Variants in AADAT observed in about 807,000 individuals in gnomAD.
The protein encoded by AADAT is aminoadipate aminotransferase.
A neutral mutation model predicts 56.2 loss-of-function variants in AADAT; 25 were observed. The ratio of observed to expected loss-of-function variants is 0.44; its 90% CI spans 0.32 to 0.62. The LOEUF is 0.62. Ranked by LOEUF, AADAT falls within the 20% of genes least tolerant of loss-of-function variation. The pLI, the probability that AADAT is intolerant of heterozygous loss-of-function variation, is 0.04. For missense variants in AADAT, 387 were observed against 510.5 expected (o/e 0.76, Z 2.33); for synonymous variants, 173 against 164.7 (o/e 1.05, Z -0.39).
intron 7 of AADAT, 123 bp from the exon 8 acceptor site, chr4:170,068,810 A>C (rs919194854): frequency 8.0e-6 from 5 of 628,308 alleles, no homozygotes; most frequent in East Asian, 2.9e-5. Flanking sequence ...TAATTAAAAC[A>C]TTCTAATAAA....
intron 10 of AADAT, among the ~76,000 whole-genome samples, chr4:170,065,841 A>G (rs1344633388): frequency 2.0e-5 from 3 of 152,200 alleles, no homozygotes; most frequent in Admixed American, 2.0e-4. Context: ...AAAATAAGAT[A>G]GGACAGAAAT....
Position 170,088,454 on chromosome 4 carries a change from T to A in AADAT, c.178A>T (p.Thr60Ser). ...TAVITVENGKTIQFGEEMMKR... is the reference protein window; with the variant it reads ...TAVITVENGKSIQFGEEMMKR... ...ATCATCTCTTCTCCAAATTGGATGGTCTTTCCATTTTCTACAGTGATTACG... is the reference window on the plus strand; with the variant it reads ...ATCATCTCTTCTCCAAATTGGATGGACTTTCCATTTTCTACAGTGATTACG... Residue 60 changes from threonine (T) to serine (S), a missense_variant, in exon 2 of 13, where the codon ACC becomes TCC. Coordinates refer to ENST00000337664, the MANE Select transcript of AADAT (RefSeq NM_016228.4). 1 of 1,613,194 alleles carries A rather than the reference T, an allele frequency of 6.2e-7. No individual in the cohort carries two copies. Among genetic ancestry groups the A allele is most frequent in the Non-Finnish European group, 8.5e-7 (1 of 1,179,262 alleles).
In AADAT at chr4:170,069,142, C is replaced by T. The variant is rs1187717062; in HGVS notation, c.803+6G>A. 1.2e-5 allele frequency: 19 copies of T among 1,612,446 alleles called. No homozygotes were observed. Among genetic ancestry groups the T allele is most frequent in the Non-Finnish European group, 1.5e-5 (18 of 1,179,058 alleles). ...CTAGCGTCAAGTTAGAGACACAGGGCCTTACCCAGAGGAAATGATTTTTGA... is the reference window on the plus strand; with the variant it reads ...CTAGCGTCAAGTTAGAGACACAGGGTCTTACCCAGAGGAAATGATTTTTGA... On this transcript the variant is annotated splice_donor_region_variant and intron_variant, in intron 7 of 12. Coordinates refer to ENST00000337664, the MANE Select transcript of AADAT (RefSeq NM_016228.4).
intron 12 of AADAT, among the ~76,000 whole-genome samples, chr4:170,061,503 C>T (rs566381746): frequency 6.6e-6 from 1 of 152,308 alleles, no homozygotes; most frequent in Admixed American, 6.5e-5. Flanking sequence ...GATTGTGATT[C>T]AGAATATTAT....
Position 170,060,713 on chromosome 4 carries a change from T to C in AADAT, c.*215A>G, listed in dbSNP as rs1428647471. 1 of 383,856 alleles carries C rather than the reference T, an allele frequency of 2.6e-6. No individual in the cohort carries two copies. Among genetic ancestry groups the C allele is most frequent in the Non-Finnish European group, 4.6e-6 (1 of 217,548 alleles). 23.8% of individuals were successfully genotyped at this position (383,856 alleles called of 1,614,324 possible). On this transcript the variant is annotated 3_prime_UTR_variant, in exon 13 of 13. Transcript: ENST00000337664. ...ACAAGAAATTTATTGGAAAAATCCA[T>C]GAGCAGCATGATTAGTTTGATTTCT...
chr4:170,082,972 G>A (rs1450083158), intron 3 of AADAT, among the ~76,000 whole-genome samples: 1 of 150,730 alleles, frequency 6.6e-6, no homozygotes, highest in Non-Finnish European at 1.5e-5. Flanking sequence ...ACTTAGTAAT[G>A]AACAGATTAT....
chr4:170,068,242 A>G (rs953515138), intron 8 of AADAT, among the ~76,000 whole-genome samples: 4 of 152,126 alleles, frequency 2.6e-5, no homozygotes, highest in African/African-American at 9.7e-5. Flanking sequence ...TTGGTAAAAC[A>G]TGGGGCCATC....
chr4:170,067,391 A>G lies in AADAT; in HGVS notation c.901-3T>C. The stretch of plus-strand genomic sequence containing the variant: ...TGTAGAAGCTGTGATATCATGAGCT[A>G]AAAGAGATAAAATCATAAATACCAT... On this transcript the variant is annotated splice_polypyrimidine_tract_variant and splice_region_variant and intron_variant, in intron 8 of 12. Coordinates refer to ENST00000337664, the MANE Select transcript of AADAT (RefSeq NM_016228.4). The G allele has an allele frequency of 6.2e-7, 1 of 1,612,038 alleles. No homozygotes were observed. The highest frequency in any genetic ancestry group is 8.5e-7 in the Non-Finnish European group (1 of 1,178,820).
chr4:170,062,103 T>C, intron 11 of AADAT, 110 bp from the exon 12 acceptor site: 1 of 623,702 alleles, frequency 1.6e-6, no homozygotes, highest in Non-Finnish European at 2.6e-6. Flanking sequence ...TTAAAAGCAG[T>C]TAAAGAAATC....
In AADAT at chr4:170,088,579, G is replaced by A. The variant is rs1402026795; in HGVS notation, c.68-15C>T. The A allele has an allele frequency of 6.3e-7, 1 of 1,591,378 alleles. No individual in the cohort carries two copies. The highest frequency in any genetic ancestry group is 8.6e-7 in the Non-Finnish European group (1 of 1,161,872). On this transcript the variant is annotated splice_polypyrimidine_tract_variant and intron_variant, in intron 1 of 12. Coordinates refer to ENST00000337664, the MANE Select transcript of AADAT (RefSeq NM_016228.4). ...CAATATGTCAGCTACAATACACATG[G>A]AAGAGAAGAAACAATTTCATTGAAG...
At chr4:170,069,596 G>A (rs1258485238) in intron 6 of AADAT, among the ~76,000 whole-genome samples, 1 of 152,216 alleles carries the variant, frequency 6.6e-6, no homozygotes, top group Non-Finnish European at 1.5e-5. Flanking sequence ...AGACCATAAT[G>A]AGGATGGCCA....
At chr4:170,092,157 C>T (rs980803620), upstream of AADAT, among the ~76,000 whole-genome samples, 1 of 152,258 alleles carries the variant, frequency 6.6e-6, no homozygotes, top group African/African-American at 2.4e-5. Context: ...GCTGCCTCAG[C>T]CACCAGCGGT....
intron 5 of AADAT, among the ~76,000 whole-genome samples, chr4:170,072,812 G>A (rs894756660): frequency 2.2e-4 from 33 of 152,198 alleles, no homozygotes; most frequent in African/African-American, 7.7e-4. Flanking sequence ...GAACAGACAA[G>A]TTAACAACAC....
At chr4:170,061,204 C>A (rs1032060683) in intron 12 of AADAT, among the ~76,000 whole-genome samples, 1 of 152,038 alleles carries the variant, frequency 6.6e-6, no homozygotes, top group African/African-American at 2.4e-5. Flanking sequence ...TTCTCGTGGC[C>A]TTCAAGATCA....
chr4:170,071,480 A>C (rs868033447), intron 5 of AADAT, among the ~76,000 whole-genome samples: 6 of 152,364 alleles, frequency 3.9e-5, no homozygotes, highest in African/African-American at 1.4e-4. Context: ...TGCAGCAAGA[A>C]GAATGATAAG....
intron 4 of AADAT, among the ~76,000 whole-genome samples, chr4:170,073,706 A>G (rs897330106): frequency 5.3e-5 from 8 of 152,036 alleles, no homozygotes; most frequent in East Asian, 1.9e-4. Flanking sequence ...TCACCATGTT[A>G]GCCAGGATGG....
rs142766370 is a variant in AADAT, at chr4:170,083,200, C to G, written c.369+3916G>C. 5.3e-3 allele frequency among the ~76,000 whole-genome samples: 809 copies of G among 151,938 alleles called. 6 individuals are homozygous for G. The highest frequency in any genetic ancestry group is 0.018 in the African/African-American group (763 of 41,448). On this transcript the variant is annotated intron_variant, in intron 3 of 12. Coordinates refer to ENST00000337664, the MANE Select transcript of AADAT (RefSeq NM_016228.4). ...AAATCTTATCAAATATCTTTCCTGA[C>G]CACAATAATAAAACTAGAAATCAAT...
At chr4:170,092,156 G>A (rs894585887), upstream of AADAT, among the ~76,000 whole-genome samples, 1 of 152,246 alleles carries the variant, frequency 6.6e-6, no homozygotes, top group Admixed American at 6.5e-5. Context: ...GGCTGCCTCA[G>A]CCACCAGCGG....
upstream of AADAT, among the ~76,000 whole-genome samples, chr4:170,091,281 A>G (rs1014636444): frequency 2.6e-5 from 4 of 152,114 alleles, no homozygotes; most frequent in African/African-American, 4.8e-5. Flanking sequence ...CGAGCCAGCT[A>G]GAGTTCCGGG....
Sources: gnomAD v4.1 joint callset for allele counts (sites outside exome capture counted in the v4.1 genomes callset) on GRCh38, gnomAD v4.1.1 for gene constraint, MANE v1.5 for transcripts, NCBI Gene and HGNC (gene_info 2026-07-23, HGNC 2026-07-21) for gene names.